Variants in AGBL1 observed in about 807,000 individuals in gnomAD.
AGBL1 encodes AGBL carboxypeptidase 1.
AGBL1 carries 130 observed loss-of-function variants against 118.9 expected under a neutral mutation model. That is an observed-to-expected ratio of 1.09 (90% confidence interval 0.95 to 1.26). The LOEUF (loss-of-function observed/expected upper bound fraction) is 1.26, where lower values mean the gene tolerates loss of function less well. AGBL1 is among the 50% of genes most tolerant of loss of function. The pLI is 0.00. For synonymous variants in AGBL1, 555 were observed against 478.9 expected, an observed-to-expected ratio of 1.16 and a Z score of -2.08; for missense variants, 1,584 against 1,298.1, an observed-to-expected ratio of 1.22 and a Z score of -3.38.
intron 18 of AGBL1, among the ~76,000 whole-genome samples, chr15:86,507,010 G>A (rs2082985570): frequency 6.6e-6 from 1 of 151,886 alleles, no homozygotes; most frequent in Non-Finnish European, 1.5e-5. Context: ...AATACCCAGT[G>A]AACTGAAGAT....
At chr15:86,864,910 T>G (rs995935007) in intron 22 of AGBL1, among the ~76,000 whole-genome samples, 1 of 152,148 alleles carries the variant, frequency 6.6e-6, no homozygotes, top group African/African-American at 2.4e-5. Context: ...AACCCTAAAC[T>G]CTCTCCATAT....
At chr15:86,079,767 A>G, upstream of AGBL1, 1 of 385,614 alleles carries the variant, frequency 2.6e-6, no homozygotes. Flanking sequence ...GGCTCACCTA[A>G]TCCCCACAGT....
chr15:86,114,440 A>G (rs1897631115), intron 1 of AGBL1, among the ~76,000 whole-genome samples: 1 of 152,148 alleles, frequency 6.6e-6, no homozygotes, highest in African/African-American at 2.4e-5. Flanking sequence ...TCTGTTGCAG[A>G]TCTAGTGGGA....
chr15:86,317,211 A>T (rs114657457), intron 17 of AGBL1: 1 of 152,216 alleles, frequency 6.6e-6, no homozygotes. Context: ...CTTTGAATCA[A>T]CCTAGTTTCT....
In AGBL1 at chr15:86,526,175, C is replaced by A. The variant is rs576565051; in HGVS notation, c.2685+3236C>A. Among the ~76,000 whole-genome samples the A allele has an allele frequency of 5.3e-5, 8 of 152,152 alleles. No homozygotes were observed. The East Asian group carries it at 1.4e-3, about 26-fold the overall frequency. On this transcript the variant is annotated intron_variant, in intron 19 of 22. Coordinates refer to ENST00000614907, the MANE Select transcript of AGBL1 (RefSeq NM_001386094.1). ...AAAACTGCAGTGAGATACCACTTTA[C>A]GCCAGTAAGAATGGCCGTTTTTAAA...
At chr15:86,803,050 G>T (rs1178758898) in intron 22 of AGBL1, among the ~76,000 whole-genome samples, 3 of 152,070 alleles carry the variant, frequency 2.0e-5, no homozygotes, top group Non-Finnish European at 2.9e-5. Flanking sequence ...TATTTACCTT[G>T]TTGGAAACAG....
intron 22 of AGBL1, among the ~76,000 whole-genome samples, chr15:86,809,208 A>G (rs2078757442): frequency 6.6e-6 from 1 of 152,122 alleles, no homozygotes; most frequent in South Asian, 2.1e-4. Flanking sequence ...GATTCATTCT[A>G]ATTTGAATGT....
At chr15:86,491,332 A>G (rs1359962159) in intron 18 of AGBL1, among the ~76,000 whole-genome samples, 1 of 152,066 alleles carries the variant, frequency 6.6e-6, no homozygotes. Flanking sequence ...CATAAAGAGA[A>G]AAGCATACGG....
At chr15:86,574,498 C>A (rs1218139367) in intron 21 of AGBL1, among the ~76,000 whole-genome samples, 4 of 151,684 alleles carry the variant, frequency 2.6e-5, no homozygotes, top group Non-Finnish European at 5.9e-5. Context: ...ACTGGGGATC[C>A]AGGAGCTGAC....
intron 18 of AGBL1, among the ~76,000 whole-genome samples, chr15:86,398,010 A>C (rs2081393372): frequency 6.6e-6 from 1 of 152,198 alleles, no homozygotes; most frequent in South Asian, 2.1e-4. Flanking sequence ...CTTCAGAGTA[A>C]GACCAATGCT....
chr15:86,448,342 A>G (rs1324597001), intron 18 of AGBL1, among the ~76,000 whole-genome samples: 1 of 152,130 alleles, frequency 6.6e-6, no homozygotes, highest in African/African-American at 2.4e-5. Context: ...CCTGTGACAA[A>G]AGGGAAGATA....
At chr15:86,747,678 T>C (rs1047222782) in intron 22 of AGBL1, among the ~76,000 whole-genome samples, 5 of 152,148 alleles carry the variant, frequency 3.3e-5, no homozygotes, top group African/African-American at 1.2e-4. Flanking sequence ...CCTTCCTGTG[T>C]CCATGTGTTC....
rs76308692 is a variant in AGBL1, at chr15:86,483,424, C to T, written c.2556-39386C>T. On this transcript the variant is annotated intron_variant, in intron 18 of 22. Coordinates refer to ENST00000614907, the MANE Select transcript of AGBL1 (RefSeq NM_001386094.1). The stretch of plus-strand genomic sequence containing the variant: ...TCCAAAGGTCTGGTTTATTTAACCC[C>T]TAGGAAAAAATGCCTAATGGCAGTT... Among the ~76,000 whole-genome samples, 376 of 151,946 alleles carry T rather than the reference C, an allele frequency of 2.5e-3. 1 individual carries two copies. The highest frequency in any genetic ancestry group is 8.7e-3 in the African/African-American group (360 of 41,452).
At chr15:86,765,784 T>TA (rs2078089284) in intron 22 of AGBL1, among the ~76,000 whole-genome samples, 1 of 151,902 alleles carries the variant, frequency 6.6e-6, no homozygotes, top group Admixed American at 6.6e-5. Context: ...GAAAGATACC[T>TA]ATGGCTGGGA....
chr15:86,447,274 C>G (rs137942418), intron 18 of AGBL1, among the ~76,000 whole-genome samples: 1 of 152,258 alleles, frequency 6.6e-6, no homozygotes, highest in Admixed American at 6.5e-5. Flanking sequence ...ATCCTAAAAC[C>G]TAGAGCTACT....
rs899339472 is a variant in AGBL1, at chr15:86,664,723, C to T, written c.2995-9550C>T. Among the ~76,000 whole-genome samples, 11 of 152,044 alleles carry T rather than the reference C, an allele frequency of 7.2e-5. No individual in the cohort carries two copies. In the East Asian group the frequency reaches 2.1e-3, roughly 29 times the overall value. On this transcript the variant is annotated intron_variant, in intron 21 of 22. Transcript: ENST00000614907. ...GTAGGACCCTAAGAAACTAGATAGGCCTAACCAGCTCATTCCTTTGCCTTT... is the reference window on the plus strand; with the variant it reads ...GTAGGACCCTAAGAAACTAGATAGGTCTAACCAGCTCATTCCTTTGCCTTT...
At chr15:86,658,763 A>G (rs144508163) in intron 21 of AGBL1, among the ~76,000 whole-genome samples, 6 of 152,254 alleles carry the variant, frequency 3.9e-5, no homozygotes, top group Middle Eastern at 3.4e-3. Context: ...TAACCCCATT[A>G]ATAATTTAGC....
intron 5 of AGBL1, among the ~76,000 whole-genome samples, chr15:86,222,798 G>A (rs2078299821): frequency 6.6e-6 from 1 of 152,122 alleles, no homozygotes; most frequent in African/African-American, 2.4e-5. Context: ...ATTTAGGTTA[G>A]CATATTATTA....
At chr15:86,283,271 C>T (rs1210517682) in intron 16 of AGBL1, among the ~76,000 whole-genome samples, 1 of 152,008 alleles carries the variant, frequency 6.6e-6, no homozygotes, top group Non-Finnish European at 1.5e-5. Context: ...AAGAGAGTTT[C>T]TGATGAATAT....
Sources: allele counts gnomAD v4.1 joint callset (sites outside exome capture counted in the v4.1 genomes callset), GRCh38; gene constraint gnomAD v4.1.1; transcripts MANE v1.5; gene names NCBI Gene and HGNC (gene_info 2026-07-23, HGNC 2026-07-21).